ZFHX2: variants seen among roughly 807,000 people sequenced by gnomAD.
The protein encoded by ZFHX2 is zinc finger homeobox protein 2.
A neutral mutation model predicts 164.8 loss-of-function variants in ZFHX2; 75 were observed. The ratio of observed to expected loss-of-function variants is 0.46; its 90% CI spans 0.38 to 0.55. The LOEUF is 0.55. ZFHX2 is among the 20% of genes least tolerant of loss of function. The pLI is 0.00. For synonymous variants in ZFHX2, 1,217 were observed against 1,351.4 expected, an observed-to-expected ratio of 0.90 and a Z score of 2.18; for missense variants, 2,933 against 3,308.0, an observed-to-expected ratio of 0.89 and a Z score of 2.78.
In ZFHX2 at chr14:23,523,792, A is replaced by G. The variant is rs1223537798; in HGVS notation, c.6150T>C (p.Ser2050=). ...EPESPGAGGT[S]GGPGGGTGVP... ...CCCCAGTCCCACCTCCAGGTCCCCC[A>G]CTGGTCCCTCCAGCCCCAGGGGATT... The change falls in exon 9 of 10, where the codon AGT becomes AGC. Residue 2050 remains serine (S), a synonymous_variant. Transcript: ENST00000419474. This position sits in a 1 kb window ranked among gnomAD's most constrained non-coding sequence, Gnocchi z 4.1. 2.0e-6 allele frequency: 3 copies of G among 1,536,050 alleles called. No individual in the cohort carries two copies. In the East Asian group the frequency reaches 7.3e-5, roughly 38 times the overall value.
chr14:23,522,516 G>A lies in ZFHX2; in HGVS notation c.7165C>T (p.Pro2389Ser), dbSNP rs1217318266. 2 of 1,530,398 alleles carry A rather than the reference G, an allele frequency of 1.3e-6. No individual in the cohort carries two copies. The highest frequency in any genetic ancestry group is 4.9e-5 in the East Asian group (2 of 40,784). 94.8% of individuals were successfully genotyped at this position (1,530,398 alleles called of 1,614,324 possible). A position where few individuals can be genotyped will look rare whatever the true frequency, so the allele number is the denominator to read the frequency against. ...KGLFPMNPMIPQTLIGLLPNA... is the reference protein window; with the variant it reads ...KGLFPMNPMISQTLIGLLPNA... ...GGGAGCAGCCCAATGAGGGTCTGAG[G>A]TATCATGGGGTTCATGGGAAATAGC... The change falls in exon 10 of 10, where the codon CCT becomes TCT. Residue 2389 changes from proline (P) to serine (S), a missense_variant. By Grantham distance (74) the Pro-to-Ser change is moderately conservative. Coordinates refer to ENST00000419474, the MANE Select transcript of ZFHX2 (RefSeq NM_033400.3).
Position 23,523,309 on chromosome 14 carries a change from G to A in ZFHX2, c.6633C>T (p.Ser2211=). The change falls in exon 9 of 10, where the codon TCC becomes TCT. Residue 2211 remains serine, a synonymous_variant. Coordinates refer to ENST00000419474, the MANE Select transcript of ZFHX2 (RefSeq NM_033400.3). This position sits in a 1 kb window ranked among gnomAD's most constrained non-coding sequence, Gnocchi z 4.1. ...AGGTTGGGGCAGCCCCGAGGGGCAT[G>A]GAGGCAGGTGTGGTGGCAGGTGGGG... ...LKAPPATTPA[S]MPLGAAPTLP... 1 of 1,449,244 alleles carries A rather than the reference G, an allele frequency of 6.9e-7. No homozygotes were observed. The highest frequency in any genetic ancestry group is 1.4e-5 in the African/African-American group (1 of 70,230). 89.8% of individuals were successfully genotyped at this position (1,449,244 alleles called of 1,614,324 possible).
At position 23,523,985 on chromosome 14, in the gene ZFHX2, T is replaced by G; in HGVS notation, c.5957A>C (p.Glu1986Ala). 2 of 1,526,332 alleles carry G rather than the reference T, an allele frequency of 1.3e-6. No homozygotes were observed. The highest frequency in any genetic ancestry group is 1.8e-6 in the Non-Finnish European group (2 of 1,140,984). The allele number at this position is 1,526,332 out of a possible 1,614,324, so 94.5% of individuals were successfully genotyped here. A position where few individuals can be genotyped will look rare whatever the true frequency, so the allele number is the denominator to read the frequency against. Residue 1986 changes from glutamate (E) to alanine (A), a missense_variant, in exon 9 of 10, where the codon GAG becomes GCG. Glu to Ala is a moderately radical substitution (Grantham distance 107). Coordinates refer to ENST00000419474, the MANE Select transcript of ZFHX2 (RefSeq NM_033400.3). The surrounding 1 kb of genome is among the most constrained non-coding windows in gnomAD (Gnocchi z 4.1). ...GPQPFLPPGK[E>A]ATTPTPEPPL... ...TGGCTCTGGTGTTGGGGTGGTGGCC[T>G]CTTTCCCAGGTGGTAGGAAAGGCTG...
upstream of ZFHX2, among the ~76,000 whole-genome samples, chr14:23,552,230 T>C (rs1256390674): frequency 1.3e-5 from 2 of 151,958 alleles, no homozygotes; most frequent in African/African-American, 2.4e-5. Flanking sequence ...CTGAGCTGGG[T>C]TGGGGGAGGT....
intron 3 of ZFHX2, 84 bp from the exon 4 acceptor site, chr14:23,531,805 T>C: frequency 8.0e-7 from 1 of 1,257,494 alleles, no homozygotes; most frequent in Non-Finnish European, 1.0e-6. Flanking sequence ...CTAGAGAGAG[T>C]CTTGCCCTGT....
rs770430985 is a variant in ZFHX2, at chr14:23,524,442, G to A, written c.5500C>T (p.His1834Tyr). 2.0e-6 allele frequency: 3 copies of A among 1,536,014 alleles called. No homozygotes were observed. In the South Asian group the frequency reaches 3.6e-5, roughly 18 times the overall value. Residue 1834 changes from histidine (H) to tyrosine (Y), a missense_variant, in exon 9 of 10, where the codon CAT becomes TAT. His to Tyr is a moderately conservative substitution (Grantham distance 83). Transcript: ENST00000419474. This position sits in a 1 kb window ranked among gnomAD's most constrained non-coding sequence, Gnocchi z 5.6. Reference sequence around the variant, plus strand: ...GTGGGAGACAAGCTGCCGTCCTCATGCTTCCGTTTGAGAGGTGGACCTGGC... The same window carrying A: ...GTGGGAGACAAGCTGCCGTCCTCATACTTCCGTTTGAGAGGTGGACCTGGC... ...PMPGPPLKRKHEDGSLSPTGS... is the reference protein window; with the variant it reads ...PMPGPPLKRKYEDGSLSPTGS...
rs1374364355 is a variant in ZFHX2, at chr14:23,546,611, G to T, written c.-50+4732C>A. 6.6e-6 allele frequency among the ~76,000 whole-genome samples: 1 copy of T among 152,160 alleles called. No individual in the cohort carries two copies. Among genetic ancestry groups the T allele is most frequent in the Non-Finnish European group, 1.5e-5 (1 of 68,016 alleles). On this transcript the variant is annotated intron_variant, in intron 1 of 9. Coordinates refer to ENST00000419474, the MANE Select transcript of ZFHX2 (RefSeq NM_033400.3). This position sits in a 1 kb window ranked among gnomAD's most constrained non-coding sequence, Gnocchi z 4.7. ...TAAATCTTTCACCCCTGCCTTGCCAGCCTGGGGAGGAGGGATGGGCAGGCA... is the reference window on the plus strand; with the variant it reads ...TAAATCTTTCACCCCTGCCTTGCCATCCTGGGGAGGAGGGATGGGCAGGCA...
rs527256912 is a variant in ZFHX2 at position 23,532,894 on chromosome 14, G to T, written c.2232C>A (p.Ser744Arg). 1.3e-6 allele frequency: 2 copies of T among 1,536,220 alleles called. No homozygotes were observed. Among genetic ancestry groups the T allele is most frequent in the South Asian group, 1.2e-5 (1 of 84,066 alleles). ...LLLYHCSIGR[S>R]LPEAEWKEVA... is the part of the protein sequence containing the mutation. The stretch of plus-strand genomic sequence containing the variant: ...CCTCCTTCCATTCAGCTTCCGGGAG[G>T]CTCCGGCCTATGCTGCAGTGGTAGA... The change falls in exon 3 of 10, where the codon AGC becomes AGA. Residue 744 changes from serine to arginine, a missense_variant. By Grantham distance (110) the Ser-to-Arg change is moderately radical. Transcript: ENST00000419474.
At chr14:23,532,496 TA>T in intron 3 of ZFHX2, 70 bp downstream of exon 3, 1 of 1,404,832 alleles carries the variant, frequency 7.1e-7, no homozygotes, top group Non-Finnish European at 9.2e-7. Flanking sequence ...ATCACTTTCT[TA>T]TTCTGCATCT....
At position 23,521,851 on chromosome 14, in the gene ZFHX2, G is replaced by A. The variant is rs1020316223; in HGVS notation, c.*111C>T. ...GGTGGGAACTGAACAGTTCCTGTGA[G>A]GTGGGCGGGGCCAGGGGGTGGGGTG... On this transcript the variant is annotated 3_prime_UTR_variant, in exon 10 of 10. Coordinates refer to ENST00000419474, the MANE Select transcript of ZFHX2 (RefSeq NM_033400.3). 7 of 1,480,244 alleles carry A rather than the reference G, an allele frequency of 4.7e-6. No individual in the cohort carries two copies. The highest frequency in any genetic ancestry group is 6.2e-6 in the Non-Finnish European group (7 of 1,120,580). The allele number at this position is 1,480,244 out of a possible 1,614,324, so 91.7% of individuals were successfully genotyped here.
rs555555867 is a variant in ZFHX2, at chr14:23,548,234, C to A, written c.-50+3109G>T. ...CCTTTTGATCCAACCATCCTGACCT[C>A]AATGCCCTGTCTTAGGTTCCTTCCT... On this transcript the variant is annotated intron_variant, in intron 1 of 9. Coordinates refer to ENST00000419474, the MANE Select transcript of ZFHX2 (RefSeq NM_033400.3). Among the ~76,000 whole-genome samples the A allele has an allele frequency of 1.2e-4, 19 of 152,302 alleles. No homozygotes were observed. The South Asian group carries it at 3.7e-3, about 30-fold the overall frequency.
intron 1 of ZFHX2, among the ~76,000 whole-genome samples, chr14:23,541,030 C>G (rs1460745074): frequency 6.6e-6 from 1 of 152,078 alleles, no homozygotes; most frequent in Non-Finnish European, 1.5e-5. Context: ...CCATAGCCTC[C>G]CGAGTAGCTG....
intron 3 of ZFHX2, 138 bp from the exon 4 acceptor site, chr14:23,531,859 C>G: frequency 8.8e-7 from 1 of 1,133,768 alleles, no homozygotes; most frequent in Non-Finnish European, 1.1e-6. Flanking sequence ...CTCACTGAAG[C>G]CTCTACCTCC....
intron 1 of ZFHX2, among the ~76,000 whole-genome samples, chr14:23,547,098 T>C (rs1471866051): frequency 6.6e-6 from 1 of 152,220 alleles, no homozygotes; most frequent in Non-Finnish European, 1.5e-5. Context: ...CTGAGAGTTG[T>C]GGTGAGTTTT....
Position 23,522,110 on chromosome 14 carries a change from G to C in ZFHX2, c.7571C>G (p.Ala2524Gly). The C allele has an allele frequency of 6.5e-7, 1 of 1,534,374 alleles. No homozygotes were observed. The highest frequency in any genetic ancestry group is 2.4e-5 in the East Asian group (1 of 40,914). Residue 2524 changes from alanine (A) to glycine (G), a missense_variant, in exon 10 of 10, where the codon GCC becomes GGC. Physicochemically the swap from Ala to Gly is moderately conservative, Grantham distance 60 (BLOSUM62 0). Coordinates refer to ENST00000419474, the MANE Select transcript of ZFHX2 (RefSeq NM_033400.3). ...LRSSAHRRKA[A>G]PPQGGPPISI... The stretch of plus-strand genomic sequence containing the variant: ...GATGGGTGGGCCCCCTTGAGGTGGG[G>C]CTGCCTTGCGCCTGTGGGCCGAGGA...
In ZFHX2 at chr14:23,527,823, C is replaced by T; in HGVS notation, c.2935-19G>A. On this transcript the variant is annotated intron_variant, in intron 6 of 9. Coordinates refer to ENST00000419474, the MANE Select transcript of ZFHX2 (RefSeq NM_033400.3). The stretch of plus-strand genomic sequence containing the variant: ...AGTATACCTGGAGGGAACATATGGG[C>T]AGTGGACGAAGTGTCAGGGAAGGAT... 6.5e-7 allele frequency: 1 copy of T among 1,530,190 alleles called. No homozygotes were observed. The highest frequency in any genetic ancestry group is 8.7e-7 in the Non-Finnish European group (1 of 1,144,054). 94.8% of individuals were successfully genotyped at this position (1,530,190 alleles called of 1,614,324 possible).
At chr14:23,544,458 G>A (rs1447410040) in intron 1 of ZFHX2, among the ~76,000 whole-genome samples, 1 of 152,156 alleles carries the variant, frequency 6.6e-6, no homozygotes, top group Non-Finnish European at 1.5e-5. Context: ...TGTATGTGGG[G>A]CAGCTGGTAA....
At position 23,521,623 on chromosome 14, in the gene ZFHX2, G is replaced by C. The variant is rs923083218; in HGVS notation, c.*339C>G. 2 of 249,158 alleles carry C rather than the reference G, an allele frequency of 8.0e-6. No homozygotes were observed. Among genetic ancestry groups the C allele is most frequent in the Non-Finnish European group, 1.5e-5 (2 of 130,144 alleles). The allele number at this position is 249,158 out of a possible 1,614,324, so 15.4% of individuals were successfully genotyped here. A position where few individuals can be genotyped will look rare whatever the true frequency, so the allele number is the denominator to read the frequency against. ...GGAGCTGGGAATTCAGTGAGGAAAAGGAAGATAGAACCAAGGATATATTTT... is the reference window on the plus strand; with the variant it reads ...GGAGCTGGGAATTCAGTGAGGAAAACGAAGATAGAACCAAGGATATATTTT... On this transcript the variant is annotated 3_prime_UTR_variant, in exon 10 of 10. Coordinates refer to ENST00000419474, the MANE Select transcript of ZFHX2 (RefSeq NM_033400.3).
At chr14:23,545,822 G>T (rs1451908514) in intron 1 of ZFHX2, among the ~76,000 whole-genome samples, 1 of 152,180 alleles carries the variant, frequency 6.6e-6, no homozygotes, top group African/African-American at 2.4e-5. Flanking sequence ...AGAAGACAGA[G>T]GCTTGAGATT....
Sources: allele counts gnomAD v4.1 joint callset (sites outside exome capture counted in the v4.1 genomes callset), GRCh38; gene constraint gnomAD v4.1.1; non-coding constraint Gnocchi (gnomAD v3.1); transcripts MANE v1.5; gene names NCBI Gene and HGNC (gene_info 2026-07-23, HGNC 2026-07-21).